CNTNAP2: variants seen among roughly 807,000 people sequenced by gnomAD.
CNTNAP2 encodes the protein contactin-associated protein-like 2.
Under a neutral mutation model 155.2 loss-of-function variants are expected in CNTNAP2, and 98 were observed. The ratio of observed to expected loss-of-function variants is 0.63; its 90% CI spans 0.54 to 0.75. The LOEUF (loss-of-function observed/expected upper bound fraction) is 0.75, where lower values mean the gene tolerates loss of function less well. CNTNAP2 is among the 30% of genes least tolerant of loss of function. The pLI is 0.00. For synonymous variants in CNTNAP2, 651 were observed against 631.2 expected (o/e 1.03, Z -0.47); for missense variants, 1,727 against 1,688.1 (o/e 1.02, Z -0.40).
intron 1 of CNTNAP2, among the ~76,000 whole-genome samples, chr7:146,160,018 A>G (rs936472821): frequency 1.3e-5 from 2 of 152,212 alleles, no homozygotes; most frequent in Non-Finnish European, 2.9e-5. Flanking sequence ...GAATCAAACT[A>G]GAACTCAGGA....
At chr7:147,528,477 T>C (rs1799367429) in intron 11 of CNTNAP2, among the ~76,000 whole-genome samples, 1 of 152,172 alleles carries the variant, frequency 6.6e-6, no homozygotes, top group African/African-American at 2.4e-5. Context: ...TCTCCCTCAG[T>C]GTGCTAGCTT....
chr7:146,376,259 T>C (rs1795301860), intron 1 of CNTNAP2, among the ~76,000 whole-genome samples: 1 of 152,206 alleles, frequency 6.6e-6, no homozygotes, highest in Admixed American at 6.5e-5. Flanking sequence ...GCTTCTTTTT[T>C]TAAGTTTAAT....
chr7:146,224,811 G>A (rs1212199041), intron 1 of CNTNAP2, among the ~76,000 whole-genome samples: 2 of 152,050 alleles, frequency 1.3e-5, no homozygotes, highest in Non-Finnish European at 2.9e-5. Context: ...CGAAGATTTG[G>A]ATAATTCATG....
At chr7:146,893,378 T>A (rs1795817055) in intron 3 of CNTNAP2, among the ~76,000 whole-genome samples, 1 of 151,836 alleles carries the variant, frequency 6.6e-6, no homozygotes, top group African/African-American at 2.4e-5. Context: ...ATCTATCATA[T>A]ATCTCTATAT....
chr7:148,119,412 G>T (rs1353183900), intron 16 of CNTNAP2, among the ~76,000 whole-genome samples: 4 of 151,704 alleles, frequency 2.6e-5, no homozygotes, highest in Admixed American at 6.6e-5. Context: ...GGCGCCTGTA[G>T]TCCCAGCTAC....
Position 148,202,140 on chromosome 7 carries a change from C to T in CNTNAP2, c.3011-15148C>T, listed in dbSNP as rs944141582. 1.2e-4 allele frequency among the ~76,000 whole-genome samples: 19 copies of T among 152,150 alleles called. No individual in the cohort carries two copies. In the South Asian group the frequency reaches 2.1e-3, roughly 17 times the overall value. ...GAGTTGCGGTATTTCATATGTGGCA[C>T]GGCCCCTCCCTTCAATGGCCTCTCT... On this transcript the variant is annotated intron_variant, in intron 18 of 23. Coordinates refer to ENST00000361727, the MANE Select transcript of CNTNAP2 (RefSeq NM_014141.6).
intron 14 of CNTNAP2, among the ~76,000 whole-genome samples, chr7:147,916,259 A>G (rs188091932): frequency 1.3e-5 from 2 of 152,302 alleles, no homozygotes; most frequent in African/African-American, 2.4e-5. Flanking sequence ...GATGTATTAT[A>G]TACTGTCTCA....
At chr7:146,703,638 A>G (rs145289637) in intron 1 of CNTNAP2, among the ~76,000 whole-genome samples, 59 of 152,214 alleles carry the variant, frequency 3.9e-4, no homozygotes, top group Admixed American at 9.2e-4. Context: ...CTTGTTCCCT[A>G]TAAGAAGCAA....
At chr7:146,227,161 C>T (rs745854870) in intron 1 of CNTNAP2, among the ~76,000 whole-genome samples, 6 of 151,868 alleles carry the variant, frequency 4.0e-5, no homozygotes, top group Non-Finnish European at 7.4e-5. Context: ...TGTGGTGGCT[C>T]ACGCCTGTAT....
chr7:146,796,586 C>A lies in CNTNAP2; in HGVS notation c.208+22205C>A, dbSNP rs555448271. Among the ~76,000 whole-genome samples, 5 of 152,136 alleles carry A rather than the reference C, an allele frequency of 3.3e-5. No individual in the cohort carries two copies. In the South Asian group the frequency reaches 1.0e-3, roughly 32 times the overall value. ...AAGATCTAGCTTCTGAAACGCAGTT[C>A]TATAATTAAAGAAGTGATATAACGG... On this transcript the variant is annotated intron_variant, in intron 2 of 23. Coordinates refer to ENST00000361727, the MANE Select transcript of CNTNAP2 (RefSeq NM_014141.6).
rs1293245172 is a variant in CNTNAP2 at position 146,381,267 on chromosome 7, T to C, written c.97+264294T>C. 2.0e-5 allele frequency among the ~76,000 whole-genome samples: 3 copies of C among 152,204 alleles called. No homozygotes were observed. The East Asian group carries it at 5.8e-4, about 29-fold the overall frequency. On this transcript the variant is annotated intron_variant, in intron 1 of 23. Coordinates refer to ENST00000361727, the MANE Select transcript of CNTNAP2 (RefSeq NM_014141.6). ...AGATTGCTACATAGGAAATATCAAA[T>C]CTATTAGGCTTTTGTTCACAAATTT...
At chr7:148,366,880 T>G (rs1482689931) in intron 21 of CNTNAP2, among the ~76,000 whole-genome samples, 1 of 151,898 alleles carries the variant, frequency 6.6e-6, no homozygotes, top group Non-Finnish European at 1.5e-5. Context: ...CAGGGCTACT[T>G]CCAGCTGTCT....
chr7:146,235,225 C>T (rs1799452595), intron 1 of CNTNAP2, among the ~76,000 whole-genome samples: 1 of 145,016 alleles, frequency 6.9e-6, no homozygotes, highest in African/African-American at 2.5e-5. Flanking sequence ...TTTCTACATC[C>T]TTTTTTTTTT....
chr7:146,325,331 ATATT>A (rs1801078480), intron 1 of CNTNAP2, among the ~76,000 whole-genome samples: 1 of 152,230 alleles, frequency 6.6e-6, no homozygotes, highest in African/African-American at 2.4e-5. Flanking sequence ...TATATGTACA[ATATT>A]AAGAAGTAGT....
chr7:147,450,086 T>A (rs1269539590), intron 10 of CNTNAP2, among the ~76,000 whole-genome samples: 1 of 152,208 alleles, frequency 6.6e-6, no homozygotes, highest in African/African-American at 2.4e-5. Flanking sequence ...CCCATGATCA[T>A]GTTATAGTAT....
chr7:147,441,447 A>G (rs769354469), intron 10 of CNTNAP2, among the ~76,000 whole-genome samples: 3 of 152,142 alleles, frequency 2.0e-5, no homozygotes, highest in Non-Finnish European at 4.4e-5. Flanking sequence ...CTGTTTCTCC[A>G]GGGTTGGTTC....
At chr7:146,928,631 G>A (rs112161362) in intron 3 of CNTNAP2, among the ~76,000 whole-genome samples, 2 of 152,186 alleles carry the variant, frequency 1.3e-5, no homozygotes, top group Non-Finnish European at 2.9e-5. Context: ...AGCAGGGCGA[G>A]GCATTGCCTC....
chr7:147,889,572 TA>T (rs781091320), intron 13 of CNTNAP2, among the ~76,000 whole-genome samples: 24 of 152,304 alleles, frequency 1.6e-4, no homozygotes, highest in Non-Finnish European at 2.8e-4. Context: ...TACCTAATGC[TA>T]AACTTGGGAA....
intron 1 of CNTNAP2, among the ~76,000 whole-genome samples, chr7:146,309,010 T>TA (rs1459982173): frequency 1.4e-4 from 22 of 152,066 alleles, no homozygotes; most frequent in Non-Finnish European, 2.9e-4. Context: ...ACTTTGTACT[T>TA]ACTGAACAGC....
Sources: allele counts gnomAD v4.1 joint callset (sites outside exome capture counted in the v4.1 genomes callset), GRCh38; gene constraint gnomAD v4.1.1; transcripts MANE v1.5; gene names NCBI Gene and HGNC (gene_info 2026-07-23, HGNC 2026-07-21).